Variants in GPR137C observed in about 807,000 individuals in gnomAD.
GPR137C encodes the protein integral membrane protein GPR137C.
GPR137C carries 27 observed loss-of-function variants against 43.4 expected under a neutral mutation model. That is an observed-to-expected ratio of 0.62 (90% CI 0.46 to 0.86). GPR137C has a LOEUF of 0.86. Among genes scored for constraint, GPR137C ranks in the 40% least tolerant of loss-of-function variants. The pLI is 0.00. For missense variants in GPR137C, 522 were observed against 534.6 expected, an observed-to-expected ratio of 0.98 and a Z score of 0.23; for synonymous variants, 285 against 226.9, an observed-to-expected ratio of 1.26 and a Z score of -2.30.
At chr14:52,580,795 T>G (rs2038632387) in intron 1 of GPR137C, among the ~76,000 whole-genome samples, 1 of 144,182 alleles carries the variant, frequency 6.9e-6, no homozygotes, top group South Asian at 2.1e-4. Context: ...CTAAATATAT[T>G]TATATTTATA....
chr14:52,553,621 C>A, intron 1 of GPR137C, 30 bp downstream of exon 1: 1 of 1,478,158 alleles, frequency 6.8e-7, no homozygotes, highest in Non-Finnish European at 9.0e-7. Context: ...ATGCGGGGCC[C>A]GGGCGGGTGC....
chr14:52,626,706 T>C (rs1267893684), intron 3 of GPR137C, among the ~76,000 whole-genome samples: 1 of 152,048 alleles, frequency 6.6e-6, no homozygotes, highest in Non-Finnish European at 1.5e-5. Flanking sequence ...CAGATAACAA[T>C]TGTTTAAGGA....
At chr14:52,613,940 A>G (rs1343847791) in intron 3 of GPR137C, among the ~76,000 whole-genome samples, 1 of 152,184 alleles carries the variant, frequency 6.6e-6, no homozygotes, top group Non-Finnish European at 1.5e-5. Context: ...ACCATTCTCC[A>G]TAGTGGTTGT....
chr14:52,595,356 T>A (rs1363250079), intron 1 of GPR137C, among the ~76,000 whole-genome samples: 1 of 152,226 alleles, frequency 6.6e-6, no homozygotes, highest in Non-Finnish European at 1.5e-5. Context: ...TGGATTTGAA[T>A]GTTGGCCTGC....
At chr14:52,610,447 T>C (rs964470328) in intron 3 of GPR137C, among the ~76,000 whole-genome samples, 4 of 152,220 alleles carry the variant, frequency 2.6e-5, no homozygotes, top group South Asian at 2.1e-4. Flanking sequence ...ATAAAATATA[T>C]TGAGAGAGAG....
intron 3 of GPR137C, among the ~76,000 whole-genome samples, chr14:52,623,400 A>G (rs905499951): frequency 3.3e-5 from 5 of 152,176 alleles, no homozygotes; most frequent in African/African-American, 9.6e-5. Context: ...TTATTGGCCA[A>G]TGCGATATAA....
At chr14:52,611,119 G>T (rs1229387638) in intron 3 of GPR137C, among the ~76,000 whole-genome samples, 1 of 151,462 alleles carries the variant, frequency 6.6e-6, no homozygotes, top group Non-Finnish European at 1.5e-5. Flanking sequence ...TCAATATTTG[G>T]GTCTAAATTT....
At chr14:52,604,338 A>G (rs369524597) in intron 3 of GPR137C, among the ~76,000 whole-genome samples, 4 of 152,252 alleles carry the variant, frequency 2.6e-5, no homozygotes, top group South Asian at 2.1e-4. Context: ...ATTTGCCCAG[A>G]TGAAGGTCCT....
intron 1 of GPR137C, among the ~76,000 whole-genome samples, chr14:52,568,764 G>A (rs918559392): frequency 2.0e-5 from 3 of 152,232 alleles, no homozygotes; most frequent in Admixed American, 6.5e-5. Flanking sequence ...TCTGAGCAGG[G>A]CATCTCTGAA....
chr14:52,594,910 G>A (rs977213427), intron 1 of GPR137C, among the ~76,000 whole-genome samples: 2 of 152,158 alleles, frequency 1.3e-5, no homozygotes, highest in Admixed American at 6.5e-5. Flanking sequence ...TTACTTCATA[G>A]CATTGATGAT....
chr14:52,558,161 A>G lies in GPR137C; in HGVS notation c.444+4570A>G, dbSNP rs144170344. 4.8e-3 allele frequency among the ~76,000 whole-genome samples: 730 copies of G among 151,408 alleles called. 14 individuals are homozygous for G. The highest frequency in any genetic ancestry group is 0.039 in the Admixed American group (590 of 15,220). On this transcript the variant is annotated intron_variant, in intron 1 of 6. Coordinates refer to ENST00000321662, the MANE Select transcript of GPR137C (RefSeq NM_001099652.2). ...TCACACAAATGTGTGTCTTGGGGGT[A>G]GGGCAGGAGTGGTTTTCAGCTGCCT...
intron 3 of GPR137C, among the ~76,000 whole-genome samples, chr14:52,606,754 G>C (rs1487405538): frequency 6.6e-6 from 1 of 151,812 alleles, no homozygotes; most frequent in East Asian, 1.9e-4. Context: ...TTTTTGTTTT[G>C]TTCCTCTTTT....
At chr14:52,557,507 A>T (rs2038212649) in intron 1 of GPR137C, among the ~76,000 whole-genome samples, 1 of 152,210 alleles carries the variant, frequency 6.6e-6, no homozygotes, top group South Asian at 2.1e-4. Flanking sequence ...TGTTTACCAG[A>T]AATACTGGTT....
intron 3 of GPR137C, chr14:52,612,159 C>G: frequency 1.0e-6 from 1 of 983,368 alleles, no homozygotes; most frequent in African/African-American, 1.7e-5. Context: ...ATTATTAAAA[C>G]TTGGCAATAT....
chr14:52,554,554 A>T (rs1443499422), intron 1 of GPR137C, among the ~76,000 whole-genome samples: 2 of 152,148 alleles, frequency 1.3e-5, no homozygotes, highest in Non-Finnish European at 2.9e-5. Context: ...CCCCCAAAAA[A>T]GTCCTCCTTC....
chr14:52,592,572 T>C (rs1425784344), intron 1 of GPR137C, among the ~76,000 whole-genome samples: 2 of 152,194 alleles, frequency 1.3e-5, no homozygotes, highest in African/African-American at 4.8e-5. Flanking sequence ...GATTCTTAGG[T>C]ATTTTATTCT....
At chr14:52,566,697 A>G (rs1227765529) in intron 1 of GPR137C, among the ~76,000 whole-genome samples, 1 of 152,248 alleles carries the variant, frequency 6.6e-6, no homozygotes, top group Non-Finnish European at 1.5e-5. Context: ...AGCATTATAC[A>G]TACGTTTTTA....
intron 1 of GPR137C, among the ~76,000 whole-genome samples, chr14:52,586,931 C>T (rs1013701613): frequency 2.8e-4 from 42 of 152,104 alleles, no homozygotes; most frequent in Non-Finnish European, 8.8e-5. Context: ...TTTGCCCCAC[C>T]GTAATGCATT....
At chr14:52,567,250 A>G (rs1166887251) in intron 1 of GPR137C, among the ~76,000 whole-genome samples, 2 of 152,146 alleles carry the variant, frequency 1.3e-5, no homozygotes, top group East Asian at 1.9e-4. Context: ...ATCTGTACCT[A>G]CCTCATGGGG....
Sources: allele counts gnomAD v4.1 joint callset (sites outside exome capture counted in the v4.1 genomes callset), GRCh38; gene constraint gnomAD v4.1.1; transcripts MANE v1.5; gene names NCBI Gene and HGNC (gene_info 2026-07-23, HGNC 2026-07-21).